The following CEP350 variants were observed in gnomAD, a reference collection of about 807,000 sequenced individuals.
CEP350 encodes centrosome-associated protein 350.
A neutral mutation model predicts 331.8 loss-of-function variants in CEP350; 126 were observed. The ratio of observed to expected loss-of-function variants is 0.38; its 90% CI spans 0.33 to 0.44. The LOEUF (loss-of-function observed/expected upper bound fraction) is 0.44. Ranked by LOEUF, CEP350 falls within the 20% of genes least tolerant of loss-of-function variation. The pLI is 1.00. For missense variants in CEP350, 3,406 were observed against 3,634.6 expected, an observed-to-expected ratio of 0.94 and a Z score of 1.62; for synonymous variants, 1,200 against 1,259.5, an observed-to-expected ratio of 0.95 and a Z score of 1.00.
intron 22 of CEP350, among the ~76,000 whole-genome samples, chr1:180,051,118 A>G (rs1285790516): frequency 6.6e-6 from 1 of 152,238 alleles, no homozygotes; most frequent in Non-Finnish European, 1.5e-5. Context: ...GCTAAGAACT[A>G]GAAGCAACCA....
chr1:180,046,347 T>C (rs1381620194), intron 21 of CEP350, among the ~76,000 whole-genome samples: 1 of 152,240 alleles, frequency 6.6e-6, no homozygotes, highest in Non-Finnish European at 1.5e-5. Flanking sequence ...TATGTGGCCC[T>C]TTGTAACTGA....
intron 32 of CEP350, among the ~76,000 whole-genome samples, 157 bp from the exon 33 acceptor site, chr1:180,090,557 A>AAAGAAAAAAAAG (rs1553265975): frequency 1.1e-5 from 1 of 92,244 alleles, no homozygotes; most frequent in Non-Finnish European, 2.2e-5. Context: ...AAAAAAAAAA[A>AAAGAAAAAAAAG]AAAAAAAAAA....
At chr1:179,968,872 G>C in intron 1 of CEP350, 2 of 746,232 alleles carry the variant, frequency 2.7e-6, no homozygotes, top group Non-Finnish European at 4.9e-6. Context: ...TGATGTCAGT[G>C]TCATATTCTG....
chr1:179,965,597 C>CT (rs1337846861), intron 1 of CEP350, among the ~76,000 whole-genome samples: 1 of 117,350 alleles, frequency 8.5e-6, no homozygotes, highest in South Asian at 2.9e-4. Context: ...GACAAGTGAT[C>CT]TTTTTTCTTT....
chr1:180,055,848 ATT>A (rs1209877113), intron 25 of CEP350, among the ~76,000 whole-genome samples: 1 of 152,080 alleles, frequency 6.6e-6, no homozygotes, highest in Non-Finnish European at 1.5e-5. Context: ...CCCGGCCTGA[ATT>A]CTATTTTTTA....
At chr1:180,025,657 C>G (rs991731607) in intron 14 of CEP350, among the ~76,000 whole-genome samples, 2 of 152,104 alleles carry the variant, frequency 1.3e-5, no homozygotes, top group African/African-American at 4.8e-5. Context: ...AACAGAAAAC[C>G]AAACACCGCG....
chr1:180,080,225 C>G (rs970118453), intron 29 of CEP350, among the ~76,000 whole-genome samples: 1 of 152,068 alleles, frequency 6.6e-6, no homozygotes, highest in Non-Finnish European at 1.5e-5. Flanking sequence ...ATATTACTGA[C>G]ACAATAATCA....
At chr1:180,046,063 T>C (rs1005613784) in intron 21 of CEP350, among the ~76,000 whole-genome samples, 7 of 152,270 alleles carry the variant, frequency 4.6e-5, no homozygotes, top group African/African-American at 1.4e-4. Flanking sequence ...CTATCCCGTC[T>C]GCTTTAGCTC....
In CEP350 at chr1:179,955,074, G is replaced by A; in HGVS notation, c.-82G>A. On this transcript the variant is annotated 5_prime_UTR_variant, in exon 1 of 38. Transcript: ENST00000367607. ...CAGCCCTGGGGCCGGTCGGGGCGGC[G>A]TCACTGCACCCTCCGCCAGGCTCCG... 1 of 1,430,420 alleles carries A rather than the reference G, an allele frequency of 7.0e-7. No homozygotes were observed. The highest frequency in any genetic ancestry group is 9.1e-7 in the Non-Finnish European group (1 of 1,094,472). 88.6% of individuals were successfully genotyped at this position (1,430,420 alleles called of 1,614,324 possible).
chr1:180,054,335 A>C, intron 24 of CEP350, 80 bp from the exon 25 acceptor site: 1 of 1,146,730 alleles, frequency 8.7e-7, no homozygotes, highest in Non-Finnish European at 1.3e-6. Flanking sequence ...TAGACTTTTT[A>C]GTAGTCAAGA....
intron 17 of CEP350, among the ~76,000 whole-genome samples, chr1:180,038,823 C>T (rs928421243): frequency 6.6e-6 from 1 of 152,140 alleles, no homozygotes; most frequent in Non-Finnish European, 1.5e-5. Context: ...CTTATCTTTT[C>T]ACTTTTTAAA....
chr1:179,982,247 A>G (rs1652327139), intron 1 of CEP350, among the ~76,000 whole-genome samples: 2 of 152,112 alleles, frequency 1.3e-5, no homozygotes, highest in South Asian at 4.1e-4. Context: ...GACTATCCTC[A>G]CTTCTAGCAC....
chr1:180,077,881 C>T (rs1195889662), intron 28 of CEP350, among the ~76,000 whole-genome samples: 4 of 152,072 alleles, frequency 2.6e-5, no homozygotes, highest in Non-Finnish European at 5.9e-5. Context: ...CGCCTGTAAT[C>T]CCAGCACTTT....
At chr1:179,980,794 G>T (rs1196859489) in intron 1 of CEP350, among the ~76,000 whole-genome samples, 3 of 151,710 alleles carry the variant, frequency 2.0e-5, no homozygotes, top group Non-Finnish European at 4.4e-5. Flanking sequence ...AACATACAAT[G>T]CTTTGCACAA....
chr1:180,078,709 C>A, intron 29 of CEP350, 35 bp downstream of exon 29: 1 of 1,522,982 alleles, frequency 6.6e-7, no homozygotes, highest in South Asian at 1.3e-5. Context: ...TAAAGATTCT[C>A]TAGAAAAAAA....
chr1:180,006,924 G>A (rs972572526), intron 8 of CEP350, among the ~76,000 whole-genome samples: 3 of 152,066 alleles, frequency 2.0e-5, no homozygotes, highest in Admixed American at 2.0e-4. Context: ...CCATTTCCCT[G>A]CAAAGGACAT....
intron 6 of CEP350, among the ~76,000 whole-genome samples, chr1:179,999,895 G>A (rs1032950187): frequency 1.3e-5 from 2 of 152,126 alleles, no homozygotes; most frequent in Middle Eastern, 3.2e-3. Flanking sequence ...ATTTGAAATG[G>A]TGAACACAAA....
intron 37 of CEP350, among the ~76,000 whole-genome samples, chr1:180,103,439 A>G (rs1660943604): frequency 6.6e-6 from 1 of 152,164 alleles, no homozygotes; most frequent in Admixed American, 6.5e-5. Context: ...AAACCTTACC[A>G]AGGACTTCCT....
chr1:180,032,165 A>G (rs1272089996), intron 15 of CEP350, among the ~76,000 whole-genome samples: 1 of 152,094 alleles, frequency 6.6e-6, no homozygotes, highest in East Asian at 1.9e-4. Flanking sequence ...GTTGCTAGCT[A>G]TACAGTTCCT....
Sources: allele counts gnomAD v4.1 joint callset (sites outside exome capture counted in the v4.1 genomes callset), GRCh38; gene constraint gnomAD v4.1.1; transcripts MANE v1.5; gene names NCBI Gene and HGNC (gene_info 2026-07-23, HGNC 2026-07-21).